The following AFF1 variants were observed in gnomAD, a reference collection of about 807,000 sequenced individuals.
AFF1 encodes ALF transcription elongation factor 1, also known as AF4/FMR2 family member 1.
Under a neutral mutation model 121.7 loss-of-function variants are expected in AFF1, and 48 were observed. The ratio of observed to expected loss-of-function variants is 0.39; its 90% CI spans 0.31 to 0.50. The LOEUF (loss-of-function observed/expected upper bound fraction) is 0.50, where lower values mean the gene tolerates loss of function less well. AFF1 is among the 20% of genes least tolerant of loss of function. The pLI is 0.76. For synonymous variants in AFF1, 613 were observed against 563.0 expected (o/e 1.09, Z -1.26); for missense variants, 1,523 against 1,511.7 (o/e 1.01, Z -0.12).
intron 15 of AFF1, 67 bp downstream of exon 15, chr4:87,127,184 A>T: frequency 8.3e-7 from 1 of 1,198,524 alleles, no homozygotes; most frequent in Non-Finnish European, 1.2e-6. Flanking sequence ...CCACCAAGAT[A>T]GAGTCTCACT....
At chr4:86,976,462 C>T (rs1457964381) in intron 2 of AFF1, among the ~76,000 whole-genome samples, 1 of 152,144 alleles carries the variant, frequency 6.6e-6, no homozygotes, top group Non-Finnish European at 1.5e-5. Flanking sequence ...AGATCATGTC[C>T]TTTGCATCAA....
At chr4:87,016,250 C>T (rs1051999276) in intron 2 of AFF1, among the ~76,000 whole-genome samples, 1 of 151,954 alleles carries the variant, frequency 6.6e-6, no homozygotes, top group Non-Finnish European at 1.5e-5. Flanking sequence ...TTCCTTGTCA[C>T]CCAGATCTTT....
At chr4:87,120,576 C>T (rs747143453) in intron 12 of AFF1, among the ~76,000 whole-genome samples, 3 of 152,192 alleles carry the variant, frequency 2.0e-5, no homozygotes, top group East Asian at 1.9e-4. Context: ...GTGTTTTCTC[C>T]GTACAAGTGT....
chr4:86,987,268 G>A (rs183844020), intron 2 of AFF1, among the ~76,000 whole-genome samples: 2 of 152,276 alleles, frequency 1.3e-5, no homozygotes, highest in African/African-American at 2.4e-5. Context: ...TTATTATAAT[G>A]TATAAGCAAT....
At chr4:87,132,474 T>C in intron 19 of AFF1, 66 bp downstream of exon 19, 1 of 1,514,292 alleles carries the variant, frequency 6.6e-7, no homozygotes, top group African/African-American at 1.4e-5. Flanking sequence ...TTCTTGCTTT[T>C]GCAACCATTT....
chr4:87,030,236 C>G (rs747789023), intron 2 of AFF1, among the ~76,000 whole-genome samples: 6 of 152,128 alleles, frequency 3.9e-5, no homozygotes, highest in Non-Finnish European at 5.9e-5. Context: ...ATATTTTAGG[C>G]TTTGCAGCCC....
chr4:87,126,013 T>C, intron 13 of AFF1, 86 bp from the exon 14 acceptor site: 1 of 1,333,016 alleles, frequency 7.5e-7, no homozygotes, highest in Non-Finnish European at 1.1e-6. Flanking sequence ...TACTCTTTTG[T>C]GCCAGCAGCC....
rs763845157 is a variant in AFF1 at position 87,126,262 on chromosome 4, A to G, written c.2737A>G (p.Asn913Asp). Residue 913 changes from asparagine (N) to aspartate (D), a missense_variant, in exon 14 of 21, where the codon AAC becomes GAC. Physicochemically the swap from Asn to Asp is conservative, Grantham distance 23 (BLOSUM62 1). This residue lies in a region of AFF1 where 905 missense variants were observed against 842.5 expected (regional missense o/e 1.07). Coordinates refer to ENST00000395146, the MANE Select transcript of AFF1 (RefSeq NM_001166693.3). Reference sequence around the variant, plus strand: ...CAAAAGTGCCAGCAGTACCAAGAGCAACCACAAAGACTCTTCCATTCCCAA... The same window carrying G: ...CAAAAGTGCCAGCAGTACCAAGAGCGACCACAAAGACTCTTCCATTCCCAA... ...PPKSASSTKSNHKDSSIPKQR... is the reference protein window; with the variant it reads ...PPKSASSTKSDHKDSSIPKQR... 21 of 1,614,006 alleles carry G rather than the reference A, an allele frequency of 1.3e-5. No individual in the cohort carries two copies. The highest frequency in any genetic ancestry group is 1.7e-5 in the Non-Finnish European group (20 of 1,180,036).
chr4:87,048,972 C>T (rs995408022), intron 4 of AFF1, among the ~76,000 whole-genome samples: 4 of 151,544 alleles, frequency 2.6e-5, no homozygotes, highest in Admixed American at 2.6e-4. Flanking sequence ...TGAGATCCTC[C>T]CTCCTCAAAA....
At chr4:87,008,396 T>C (rs77767994) in intron 2 of AFF1, among the ~76,000 whole-genome samples, 6,790 of 152,300 alleles carry the variant, frequency 0.045, 493 homozygotes, top group African/African-American at 0.15. Flanking sequence ...GTTTTTTTCC[T>C]ACGAAATAGA....
chr4:87,129,666 T>C (rs1412735578), intron 16 of AFF1, among the ~76,000 whole-genome samples: 1 of 152,242 alleles, frequency 6.6e-6, no homozygotes, highest in African/African-American at 2.4e-5. Flanking sequence ...CTAGAGAAAG[T>C]ATTTTTTGAT....
chr4:86,973,494 GA>G (rs1417577452), intron 2 of AFF1, among the ~76,000 whole-genome samples: 2 of 152,008 alleles, frequency 1.3e-5, no homozygotes, highest in African/African-American at 2.4e-5. Context: ...TTACGGTAGA[GA>G]AAAAAGGAAG....
intron 2 of AFF1, among the ~76,000 whole-genome samples, chr4:86,992,916 G>A (rs1214260511): frequency 6.6e-6 from 1 of 152,190 alleles, no homozygotes; most frequent in African/African-American, 2.4e-5. Context: ...TTTAGAAAAT[G>A]GAGTAGCCCT....
At position 87,115,139 on chromosome 4, in the gene AFF1, TG is replaced by T; in HGVS notation, c.2308del (p.Val770Ter). On this transcript the variant is annotated frameshift_variant, in exon 12 of 21. Transcript: ENST00000395146. LOFTEE classifies it high-confidence loss of function. ...GACACTCCTCCCCCACAAAGCTTGATGGTGAAGATCACCCTAGACCTGCTCT... is the reference window on the plus strand; with the variant it reads ...GACACTCCTCCCCCACAAAGCTTGATGTGAAGATCACCCTAGACCTGCTCT... The part of the protein sequence containing the change: ...LRDTPPPQSL[M>X]VKITLDLLSR... 1 of 1,614,120 alleles carries T rather than the reference TG, an allele frequency of 6.2e-7. No individual in the cohort carries two copies. The highest frequency in any genetic ancestry group is 8.5e-7 in the Non-Finnish European group (1 of 1,180,016).
intron 4 of AFF1, among the ~76,000 whole-genome samples, chr4:87,078,690 C>T (rs906851529): frequency 6.6e-6 from 1 of 152,072 alleles, no homozygotes; most frequent in South Asian, 2.1e-4. Context: ...ATCTAACTAG[C>T]GAGTTGGGGG....
rs1726926193 is a variant in AFF1 at position 87,114,851 on chromosome 4, C to G, written c.2018C>G (p.Ser673Cys). 6.2e-7 allele frequency: 1 copy of G among 1,613,832 alleles called. No homozygotes were observed. The highest frequency in any genetic ancestry group is 8.5e-7 in the Non-Finnish European group (1 of 1,179,950). The change falls in exon 12 of 21, where the codon TCC becomes TGC. Residue 673 changes from serine (S) to cysteine (C), a missense_variant. Physicochemically the swap from Ser to Cys is moderately radical, Grantham distance 112. Transcript: ENST00000395146. ...SNEPKPAVPP[S>C]SEKKKHKSSL... Reference sequence around the variant, plus strand: ...GAACCCAAGCCAGCAGTGCCCCCCTCCAGTGAGAAGAAGAAGCACAAGAGC... The same window carrying G: ...GAACCCAAGCCAGCAGTGCCCCCCTGCAGTGAGAAGAAGAAGCACAAGAGC...
chr4:86,936,471 G>A (rs1172171726), intron 1 of AFF1: 3 of 152,268 alleles, frequency 2.0e-5, no homozygotes, highest in African/African-American at 7.2e-5. Context: ...GTCGTGCGGT[G>A]TGTGTAGAAG....
chr4:87,005,389 T>A (rs1726026697), intron 2 of AFF1, among the ~76,000 whole-genome samples: 1 of 152,230 alleles, frequency 6.6e-6, no homozygotes, highest in Admixed American at 6.5e-5. Flanking sequence ...CTTTAAGTAT[T>A]GGCGAAGCTG....
Position 87,058,851 on chromosome 4 carries a change from A to T in AFF1, c.1059+11257A>T, listed in dbSNP as rs1720429198. On this transcript the variant is annotated intron_variant, in intron 4 of 20. Transcript: ENST00000395146. ...CCATTGCAGCCTGCTCTGTGCCTTCACGCCACTGCCTCTGCCGGCAGGAGC... is the reference window on the plus strand; with the variant it reads ...CCATTGCAGCCTGCTCTGTGCCTTCTCGCCACTGCCTCTGCCGGCAGGAGC... 2.6e-5 allele frequency among the ~76,000 whole-genome samples: 4 copies of T among 151,900 alleles called. No homozygotes were observed. In the South Asian group the frequency reaches 8.3e-4, roughly 32 times the overall value.
Sources: gnomAD v4.1 joint callset for allele counts (sites outside exome capture counted in the v4.1 genomes callset) on GRCh38, gnomAD v4.1.1 for gene constraint, gnomAD v4.1.1 regional missense constraint, MANE v1.5 for transcripts, NCBI Gene and HGNC (gene_info 2026-07-23, HGNC 2026-07-21) for gene names.